SGPP2: variants seen among roughly 807,000 people sequenced by gnomAD.
The protein encoded by SGPP2 is sphingosine-1-phosphate phosphatase 2.
Under a neutral mutation model 33.9 loss-of-function variants are expected in SGPP2, and 30 were observed. That is an observed-to-expected ratio of 0.89 (90% CI 0.66 to 1.20). The LOEUF is 1.20. SGPP2 is among the 50% of genes most tolerant of loss of function. The pLI is 0.00. For missense variants in SGPP2, 458 were observed against 532.1 expected, an observed-to-expected ratio of 0.86 and a Z score of 1.37; for synonymous variants, 233 against 225.0, an observed-to-expected ratio of 1.04 and a Z score of -0.32.
chr2:222,447,384 T>C (rs1163494872), intron 1 of SGPP2, among the ~76,000 whole-genome samples: 1 of 152,164 alleles, frequency 6.6e-6, no homozygotes, highest in Non-Finnish European at 1.5e-5. Context: ...TGGCCTGAGT[T>C]TGAGTTCTGC....
chr2:222,524,085 T>C (rs922531473), intron 3 of SGPP2, among the ~76,000 whole-genome samples: 3 of 152,172 alleles, frequency 2.0e-5, no homozygotes, highest in African/African-American at 7.2e-5. Flanking sequence ...AATGGGAGCA[T>C]TGAGGGGAAA....
intron 1 of SGPP2, among the ~76,000 whole-genome samples, chr2:222,435,091 T>C (rs904761726): frequency 7.9e-5 from 12 of 151,172 alleles, no homozygotes; most frequent in Non-Finnish European, 1.6e-4. Flanking sequence ...CACATATATA[T>C]ATATGGAGTT....
chr2:222,424,540 G>C, upstream of SGPP2: 1 of 1,106,412 alleles, frequency 9.0e-7, no homozygotes, highest in Non-Finnish European at 1.1e-6. Flanking sequence ...CGGGAGTGGC[G>C]GTGCCAGCGG....
intron 2 of SGPP2, among the ~76,000 whole-genome samples, chr2:222,491,415 G>T (rs1399452483): frequency 1.3e-5 from 2 of 152,176 alleles, no homozygotes; most frequent in African/African-American, 4.8e-5. Flanking sequence ...GCTCTGCATG[G>T]CTGGGGAGGC....
chr2:222,518,313 A>G (rs555431580), intron 2 of SGPP2, among the ~76,000 whole-genome samples: 3 of 152,340 alleles, frequency 2.0e-5, no homozygotes, highest in Admixed American at 2.0e-4. Context: ...AGACAAAGGA[A>G]CTCATGAACC....
At position 222,440,352 on chromosome 2, in the gene SGPP2, G is replaced by GTT. The variant is rs11447582; in HGVS notation, c.219+15539_219+15540dup. Among the ~76,000 whole-genome samples the GTT allele has an allele frequency of 9.5e-4, 142 of 149,636 alleles. 1 individual carries two copies. Among genetic ancestry groups the GTT allele is most frequent in the East Asian group, 2.2e-3 (11 of 5,080 alleles). ...TTTGTGTGTTTTTGTTTTTGTTTTTGTTTTTTTTTGAGACGGAATCTCATT... is the reference window on the plus strand; with the variant it reads ...TTTGTGTGTTTTTGTTTTTGTTTTTGTTTTTTTTTTTGAGACGGAATCTCATT... On this transcript the variant is annotated intron_variant, in intron 1 of 4. Coordinates refer to ENST00000321276, the MANE Select transcript of SGPP2 (RefSeq NM_152386.4).
intron 4 of SGPP2, among the ~76,000 whole-genome samples, chr2:222,553,216 T>C (rs1559177694): frequency 6.6e-6 from 1 of 152,194 alleles, no homozygotes; most frequent in Non-Finnish European, 1.5e-5. Context: ...TGTTAATACA[T>C]GAAGATATTT....
At chr2:222,542,429 C>T (rs149336765) in intron 4 of SGPP2, among the ~76,000 whole-genome samples, 10 of 152,250 alleles carry the variant, frequency 6.6e-5, no homozygotes, top group Non-Finnish European at 8.8e-5. Flanking sequence ...TGAGTATGAA[C>T]GCAGAAGTAA....
chr2:222,441,608 G>A (rs1697326248), intron 1 of SGPP2, among the ~76,000 whole-genome samples: 1 of 152,052 alleles, frequency 6.6e-6, no homozygotes, highest in South Asian at 2.1e-4. Context: ...GATTGTTCTT[G>A]GGCACAGAGG....
At chr2:222,473,330 T>C (rs1482434004) in intron 1 of SGPP2, among the ~76,000 whole-genome samples, 3 of 152,204 alleles carry the variant, frequency 2.0e-5, no homozygotes, top group Non-Finnish European at 4.4e-5. Context: ...TCCTAGAGGC[T>C]GCTCTCCAGA....
chr2:222,477,275 ATG>A lies in SGPP2; in HGVS notation c.378+2555_378+2556del, dbSNP rs1286808540. On this transcript the variant is annotated intron_variant, in intron 2 of 4. Transcript: ENST00000321276. The surrounding 1 kb of genome is among the most constrained non-coding windows in gnomAD (Gnocchi z 6.0). ...TATGTGAGTATATAGGTGTATATGT[ATG>A]TGTGTATGGGTGTGTATATGTGTGT... Among the ~76,000 whole-genome samples the A allele has an allele frequency of 6.7e-6, 1 of 149,908 alleles. No individual in the cohort carries two copies. The highest frequency in any genetic ancestry group is 2.5e-5 in the African/African-American group (1 of 40,540).
chr2:222,469,260 C>T (rs998543888), intron 1 of SGPP2, among the ~76,000 whole-genome samples: 3 of 152,160 alleles, frequency 2.0e-5, no homozygotes, highest in Non-Finnish European at 4.4e-5. Flanking sequence ...CTCGGCTCAC[C>T]GCAACCTCCG....
chr2:222,537,313 A>C (rs1319380415), intron 4 of SGPP2, among the ~76,000 whole-genome samples: 1 of 152,240 alleles, frequency 6.6e-6, no homozygotes. Context: ...CTATAAAAAA[A>C]TTGAAAGTCA....
intron 4 of SGPP2, among the ~76,000 whole-genome samples, chr2:222,547,116 G>A (rs1252729647): frequency 6.6e-6 from 1 of 152,196 alleles, no homozygotes; most frequent in African/African-American, 2.4e-5. Context: ...CCAATTAAAT[G>A]TCAACCTGCA....
intron 4 of SGPP2, among the ~76,000 whole-genome samples, chr2:222,557,319 C>T (rs1289858533): frequency 2.6e-5 from 4 of 152,190 alleles, no homozygotes; most frequent in African/African-American, 9.7e-5. Context: ...TCATACTTGA[C>T]CACTGTATGA....
At chr2:222,433,897 C>T (rs1445591446) in intron 1 of SGPP2, among the ~76,000 whole-genome samples, 5 of 152,154 alleles carry the variant, frequency 3.3e-5, no homozygotes, top group South Asian at 2.1e-4. Flanking sequence ...TGTGGACAGC[C>T]GGCCTGGTGT....
chr2:222,556,962 C>T (rs77885494), intron 4 of SGPP2, among the ~76,000 whole-genome samples: 2,194 of 151,670 alleles, frequency 0.014, 50 homozygotes, highest in African/African-American at 0.047. Flanking sequence ...TGACTTCTCC[C>T]TGCCCCCATC....
rs1281367984 is a variant in SGPP2, at chr2:222,521,347, T to G, written c.379-420T>G. ...GACTTTGAAGTCAGACTTTCTAGATTCGAATCCCAGTTCTGCCACTTGCTG... is the reference window on the plus strand; with the variant it reads ...GACTTTGAAGTCAGACTTTCTAGATGCGAATCCCAGTTCTGCCACTTGCTG... On this transcript the variant is annotated intron_variant, in intron 2 of 4. Coordinates refer to ENST00000321276, the MANE Select transcript of SGPP2 (RefSeq NM_152386.4). Among the ~76,000 whole-genome samples, 3 of 152,198 alleles carry G rather than the reference T, an allele frequency of 2.0e-5. No individual in the cohort carries two copies. In the East Asian group the frequency reaches 5.8e-4, roughly 29 times the overall value.
At chr2:222,518,651 A>G (rs1386974432) in intron 2 of SGPP2, among the ~76,000 whole-genome samples, 4 of 152,192 alleles carry the variant, frequency 2.6e-5, no homozygotes, top group Non-Finnish European at 1.5e-5. Flanking sequence ...CACAGGAGGG[A>G]GGCAGAAACA....
Sources: allele counts gnomAD v4.1 joint callset (sites outside exome capture counted in the v4.1 genomes callset), GRCh38; gene constraint gnomAD v4.1.1; non-coding constraint Gnocchi (gnomAD v3.1); transcripts MANE v1.5; gene names NCBI Gene and HGNC (gene_info 2026-07-23, HGNC 2026-07-21).